The following CAMK2A variants were observed in gnomAD, a reference collection of about 807,000 sequenced individuals.
CAMK2A encodes the protein calcium/calmodulin-dependent protein kinase type II subunit alpha.
Under a neutral mutation model 79.2 loss-of-function variants are expected in CAMK2A, and 7 were observed. That is an observed-to-expected ratio of 0.09 (90% CI 0.05 to 0.17). The LOEUF (loss-of-function observed/expected upper bound fraction) is 0.17. Among genes scored for constraint, CAMK2A ranks in the 10% least tolerant of loss-of-function variants. The pLI is 1.00. For synonymous variants in CAMK2A, 242 were observed against 251.7 expected (o/e 0.96, Z 0.36); for missense variants, 214 against 646.4 (o/e 0.33, Z 7.25).
chr5:150,265,062 T>G, intron 2 of CAMK2A, 47 bp from the exon 3 acceptor site: 2 of 1,380,454 alleles, frequency 1.4e-6, no homozygotes, highest in Non-Finnish European at 2.1e-6. Context: ...AAGGAACCAT[T>G]ACCCTCCATC....
intron 15 of CAMK2A, among the ~76,000 whole-genome samples, chr5:150,234,342 G>A (rs1754975214): frequency 6.6e-6 from 1 of 152,162 alleles, no homozygotes; most frequent in Admixed American, 6.5e-5. Flanking sequence ...ATGGATTCTG[G>A]AGCCAAAGTC....
chr5:150,224,583 T>C (rs1754501866), intron 17 of CAMK2A, among the ~76,000 whole-genome samples: 1 of 151,978 alleles, frequency 6.6e-6, no homozygotes, highest in South Asian at 2.1e-4. Context: ...AATCACCAAG[T>C]CTTAGGCACC....
Position 150,251,527 on chromosome 5 carries a change from G to A in CAMK2A, c.693+223C>T, listed in dbSNP as rs189635843. Among the ~76,000 whole-genome samples the A allele has an allele frequency of 7.2e-5, 11 of 152,284 alleles. No individual in the cohort carries two copies. The East Asian group carries it at 1.7e-3, about 24-fold the overall frequency. The stretch of plus-strand genomic sequence containing the variant: ...ACAGAGAAACCCTGGCTTGGGAGGC[G>A]CCTCTCCCCTACTCCTCACTCCATT... On this transcript the variant is annotated intron_variant, in intron 9 of 18. Transcript: ENST00000671881.
At position 150,289,693 on chromosome 5, in the gene CAMK2A, C is replaced by G; in HGVS notation, c.-68G>C. 7.5e-7 allele frequency: 1 copy of G among 1,337,162 alleles called. No homozygotes were observed. The highest frequency in any genetic ancestry group is 1.1e-6 in the Non-Finnish European group (1 of 940,622). The allele number at this position is 1,337,162 out of a possible 1,614,324, so 82.8% of individuals were successfully genotyped here. On this transcript the variant is annotated 5_prime_UTR_variant, in exon 1 of 19. Coordinates refer to ENST00000671881, the MANE Select transcript of CAMK2A (RefSeq NM_015981.4). ...AGGACTGAGGCGCTGCTGCTCTGCT[C>G]CCGAACCTAGGGACCACTTGCCTGC...
At chr5:150,263,947 C>T (rs1580936490) in intron 3 of CAMK2A, among the ~76,000 whole-genome samples, 1 of 152,202 alleles carries the variant, frequency 6.6e-6, no homozygotes, top group East Asian at 1.9e-4. Flanking sequence ...GAGGTGCCTT[C>T]TGGGTATAAA....
chr5:150,224,256 T>C (rs1294318158), intron 17 of CAMK2A, among the ~76,000 whole-genome samples: 2 of 152,166 alleles, frequency 1.3e-5, no homozygotes, highest in African/African-American at 4.8e-5. Flanking sequence ...TGGACAGTGG[T>C]GATCTGTATC....
At position 150,228,346 on chromosome 5, in the gene CAMK2A, G is replaced by A. The variant is rs1580896709; in HGVS notation, c.1143-60C>T. On this transcript the variant is annotated intron_variant, in intron 16 of 18. Transcript: ENST00000671881. The stretch of plus-strand genomic sequence containing the variant: ...GGCGGCTTCTCATTGGACCCTTGGA[G>A]GGTGAGCCTGTGAAATAGGAATGAT... 13 of 1,197,020 alleles carry A rather than the reference G, an allele frequency of 1.1e-5. No homozygotes were observed. In the East Asian group the frequency reaches 3.0e-4, roughly 28 times the overall value. The allele number at this position is 1,197,020 out of a possible 1,614,324, so 74.1% of individuals were successfully genotyped here.
intron 18 of CAMK2A, 64 bp downstream of exon 18, chr5:150,222,925 C>T (rs1423258071): frequency 6.6e-6 from 10 of 1,520,072 alleles, no homozygotes; most frequent in Non-Finnish European, 9.1e-6. Flanking sequence ...CCGACGTAAC[C>T]CCCTCCAGGG....
intron 11 of CAMK2A, among the ~76,000 whole-genome samples, chr5:150,249,549 T>G (rs2150278417): frequency 9.5e-6 from 1 of 104,722 alleles, no homozygotes; most frequent in South Asian, 3.0e-4. Context: ...CCATTCTTTT[T>G]TTTGTTTTTT....
rs1754306666 is a variant in CAMK2A at position 150,221,507 on chromosome 5, C to T, written c.*1203G>A. On this transcript the variant is annotated 3_prime_UTR_variant, in exon 19 of 19. Transcript: ENST00000671881. The stretch of plus-strand genomic sequence containing the variant: ...ATCCTGGGAAGTTCGGTAGAGAAGA[C>T]CCCAGTTTGCGAGGGAAGCAAAGAA... 3 of 398,644 alleles carry T rather than the reference C, an allele frequency of 7.5e-6. No individual in the cohort carries two copies. The East Asian group carries it at 1.1e-4, about 14-fold the overall frequency. The allele number at this position is 398,644 out of a possible 1,614,324, so 24.7% of individuals were successfully genotyped here. A position where few individuals can be genotyped will look rare whatever the true frequency, so the allele number is the denominator to read the frequency against.
intron 1 of CAMK2A, among the ~76,000 whole-genome samples, chr5:150,285,331 C>T (rs774312188): frequency 6.6e-6 from 1 of 152,136 alleles, no homozygotes; most frequent in Non-Finnish European, 1.5e-5. Context: ...AAAGCCTTGC[C>T]GGCCCCAAAG....
At chr5:150,270,891 C>G (rs1756721164) in intron 2 of CAMK2A, among the ~76,000 whole-genome samples, 1 of 152,126 alleles carries the variant, frequency 6.6e-6, no homozygotes, top group Non-Finnish European at 1.5e-5. Context: ...GAGCCATGGC[C>G]CTTCCACCCT....
At chr5:150,251,408 AT>A (rs1319586998) in intron 9 of CAMK2A, among the ~76,000 whole-genome samples, 1 of 151,540 alleles carries the variant, frequency 6.6e-6, no homozygotes, top group Non-Finnish European at 1.5e-5. Flanking sequence ...TATATCATAG[AT>A]TGGTGTGAGG....
chr5:150,275,861 C>G (rs142927681), intron 1 of CAMK2A, among the ~76,000 whole-genome samples: 1 of 152,034 alleles, frequency 6.6e-6, no homozygotes, highest in Non-Finnish European at 1.5e-5. Context: ...CTTAAGAGAC[C>G]TTTATGGAGG....
At chr5:150,231,600 A>G (rs1754845947) in intron 15 of CAMK2A, among the ~76,000 whole-genome samples, 1 of 112,236 alleles carries the variant, frequency 8.9e-6, no homozygotes, top group Non-Finnish European at 2.0e-5. Context: ...GAAGAAACTG[A>G]GGCCCAGAAA....
intron 15 of CAMK2A, among the ~76,000 whole-genome samples, chr5:150,237,645 G>T (rs924256044): frequency 6.6e-6 from 1 of 152,038 alleles, no homozygotes; most frequent in African/African-American, 2.4e-5. Flanking sequence ...GCCACGGGAC[G>T]ACAGAGTACA....
chr5:150,259,057 A>G (rs975826563), intron 3 of CAMK2A, among the ~76,000 whole-genome samples: 1 of 151,954 alleles, frequency 6.6e-6, no homozygotes, highest in Non-Finnish European at 1.5e-5. Context: ...GCCCATGCTT[A>G]TAATCCCAGC....
chr5:150,256,691 C>A lies in CAMK2A; in HGVS notation c.339-46G>T. The A allele has an allele frequency of 6.2e-7, 1 of 1,608,768 alleles. No individual in the cohort carries two copies. Among genetic ancestry groups the A allele is most frequent in the Non-Finnish European group, 8.5e-7 (1 of 1,175,248 alleles). On this transcript the variant is annotated intron_variant, in intron 5 of 18. Transcript: ENST00000671881. The surrounding 1 kb of genome is among the most constrained non-coding windows in gnomAD (Gnocchi z 4.6). ...GGGTCATGGTGGTGTGAGCACAGGC[C>A]TCCCCTGGGAAGCTGACAGCAGGCA...
chr5:150,274,918 C>T (rs555136782), intron 1 of CAMK2A, among the ~76,000 whole-genome samples: 18 of 152,330 alleles, frequency 1.2e-4, no homozygotes, highest in African/African-American at 3.8e-4. Context: ...TGGGCAGCTC[C>T]GAGCCCACAA....
Sources: gnomAD v4.1 joint callset for allele counts (sites outside exome capture counted in the v4.1 genomes callset) on GRCh38, gnomAD v4.1.1 for gene constraint, Gnocchi (gnomAD v3.1) non-coding constraint, MANE v1.5 for transcripts, NCBI Gene and HGNC (gene_info 2026-07-23, HGNC 2026-07-21) for gene names.